Variants in ZNF239 observed in about 807,000 individuals in gnomAD.
The protein encoded by ZNF239 is zinc finger protein (C2H2) homologous to mouse MOK-2.
ZNF239 carries 16 observed loss-of-function variants against 27.5 expected under a neutral mutation model. The ratio of observed to expected loss-of-function variants is 0.58; its 90% CI spans 0.39 to 0.88. ZNF239 has a LOEUF of 0.88. ZNF239 is among the 40% of genes least tolerant of loss of function. ZNF239 has a pLI of 0.00. For missense variants in ZNF239, 527 were observed against 551.9 expected (o/e 0.95, Z 0.45); for synonymous variants, 199 against 192.6 (o/e 1.03, Z -0.27).
chr10:43,559,733 T>C (rs1837085310), intron 3 of ZNF239, among the ~76,000 whole-genome samples: 2 of 151,988 alleles, frequency 1.3e-5, no homozygotes, highest in South Asian at 2.1e-4. Context: ...AATAGCCTAA[T>C]ATTACACTGA....
chr10:43,573,501 G>T, intron 2 of ZNF239, 136 bp downstream of exon 2: 1 of 454,480 alleles, frequency 2.2e-6, no homozygotes, highest in Non-Finnish European at 2.9e-6. Context: ...CTAGCTACAT[G>T]TCCTTAGTAT....
intron 3 of ZNF239, among the ~76,000 whole-genome samples, chr10:43,565,883 A>T (rs1166720220): frequency 6.6e-6 from 1 of 151,684 alleles, no homozygotes; most frequent in African/African-American, 2.4e-5. Flanking sequence ...CAAAGGACTA[A>T]GAGAGAAGCT....
chr10:43,561,560 C>A (rs1186184225), intron 3 of ZNF239, among the ~76,000 whole-genome samples: 1 of 152,214 alleles, frequency 6.6e-6, no homozygotes, highest in Admixed American at 6.5e-5. Flanking sequence ...AAAAAATAGA[C>A]ACTCTTTCAG....
intron 3 of ZNF239, among the ~76,000 whole-genome samples, chr10:43,566,851 T>G (rs531470819): frequency 6.6e-6 from 1 of 152,378 alleles, no homozygotes; most frequent in East Asian, 1.9e-4. Flanking sequence ...TTAAAATTAC[T>G]AATTATTGCC....
rs534231661 is a variant in ZNF239 at position 43,556,396 on chromosome 10, C to T, written c.*307G>A. On this transcript the variant is annotated 3_prime_UTR_variant, in exon 4 of 4. Transcript: ENST00000374446. ...CTCAGAGAATGTGAACAAAGGGAAACATGCCCTGCTTGAGAATAAATATAA... is the reference window on the plus strand; with the variant it reads ...CTCAGAGAATGTGAACAAAGGGAAATATGCCCTGCTTGAGAATAAATATAA... 5.1e-4 allele frequency: 144 copies of T among 283,398 alleles called. No homozygotes were observed. Among genetic ancestry groups the T allele is most frequent in the Middle Eastern group, 1.2e-3 (1 of 834 alleles). 17.6% of individuals were successfully genotyped at this position (283,398 alleles called of 1,614,324 possible).
chr10:43,559,832 A>G (rs1837091885), intron 3 of ZNF239, among the ~76,000 whole-genome samples: 1 of 152,224 alleles, frequency 6.6e-6, no homozygotes, highest in Admixed American at 6.5e-5. Context: ...AATGATAAGG[A>G]GCAGATGGAT....
chr10:43,560,137 T>C (rs147873641), intron 3 of ZNF239, among the ~76,000 whole-genome samples: 34 of 152,286 alleles, frequency 2.2e-4, no homozygotes, highest in African/African-American at 8.2e-4. Flanking sequence ...CTCTTAGAAA[T>C]AGAAATATTG....
At position 43,566,296 on chromosome 10, in the gene ZNF239, GT is replaced by G. The variant is rs1158727048; in HGVS notation, c.-93+1602del. ...CTAACATGATGACACATTTTTCAGT[GT>G]TTTTTTTTTTTGACAGGGTCTCACG... On this transcript the variant is annotated intron_variant, in intron 3 of 3. Transcript: ENST00000374446. Among the ~76,000 whole-genome samples, 678 of 145,708 alleles carry G rather than the reference GT, an allele frequency of 4.7e-3. 1 individual carries two copies. Among genetic ancestry groups the G allele is most frequent in the Admixed American group, 7.3e-3 (107 of 14,572 alleles).
At position 43,558,110 on chromosome 10, in the gene ZNF239, A is replaced by G. The variant is rs1304439000; in HGVS notation, c.-31T>C. ...CCAAAACTAGCCAGGAGGAAAGCTC[A>G]TGTAACAGATCCTGAAGTGTTTTCT... On this transcript the variant is annotated 5_prime_UTR_variant, in exon 4 of 4. An upstream start codon of the reference 5' UTR is lost. Coordinates refer to ENST00000374446, the MANE Select transcript of ZNF239 (RefSeq NM_001099282.2). The G allele has an allele frequency of 6.3e-7, 1 of 1,589,262 alleles. No homozygotes were observed. The highest frequency in any genetic ancestry group is 1.8e-5 in the Admixed American group (1 of 56,754).
intron 2 of ZNF239, among the ~76,000 whole-genome samples, chr10:43,573,425 AAT>A (rs1417226035): frequency 3.3e-5 from 5 of 152,200 alleles, no homozygotes; most frequent in Non-Finnish European, 7.3e-5. Context: ...TGAGGAGTGG[AAT>A]AAATTCTTGG....
rs1836878569 is a variant in ZNF239, at chr10:43,557,632, T to C, written c.448A>G (p.Ile150Val). Residue 150 changes from isoleucine to valine, a missense_variant, in exon 4 of 4, where the codon ATT becomes GTT. By Grantham distance (29) the Ile-to-Val change is conservative. Coordinates refer to ENST00000374446, the MANE Select transcript of ZNF239 (RefSeq NM_001099282.2). The part of the protein sequence containing the change: ...NGQLKESLDP[I>V]DCNCKDIHGW... ...TGAATGTCTTTGCAGTTACAGTCAA[T>C]GGGATCCAAAGATTCTTTTAACTGG... 4.3e-6 allele frequency: 7 copies of C among 1,614,216 alleles called. No individual in the cohort carries two copies. The highest frequency in any genetic ancestry group is 1.1e-5 in the South Asian group (1 of 91,092).
At chr10:43,558,492 A>G (rs1836976557) in intron 3 of ZNF239, among the ~76,000 whole-genome samples, 1 of 151,894 alleles carries the variant, frequency 6.6e-6, no homozygotes, top group Non-Finnish European at 1.5e-5. Flanking sequence ...TCTGCTGCCC[A>G]GGCTGGAGTG....
chr10:43,560,982 T>C (rs551551102), intron 3 of ZNF239, among the ~76,000 whole-genome samples: 4 of 152,280 alleles, frequency 2.6e-5, no homozygotes, highest in South Asian at 4.1e-4. Flanking sequence ...AAGATGATGA[T>C]AGGTTATGTC....
At chr10:43,567,292 G>T (rs1353371765) in intron 3 of ZNF239, among the ~76,000 whole-genome samples, 2 of 152,050 alleles carry the variant, frequency 1.3e-5, no homozygotes, top group Non-Finnish European at 2.9e-5. Context: ...TTGCCAGGCA[G>T]GGGGAGGACA....
chr10:43,567,799 G>A (rs1380616925), intron 3 of ZNF239, 100 bp downstream of exon 3: 1 of 643,940 alleles, frequency 1.6e-6, no homozygotes, highest in African/African-American at 2.0e-5. Context: ...AAGTTCTTTA[G>A]CTGCTTAGAA....
intron 3 of ZNF239, among the ~76,000 whole-genome samples, chr10:43,562,700 T>C (rs1837344072): frequency 6.6e-6 from 1 of 152,234 alleles, no homozygotes; most frequent in Non-Finnish European, 1.5e-5. Context: ...GGAATGTTTT[T>C]ACTATGAGCT....
chr10:43,565,614 G>T (rs1837578001), intron 3 of ZNF239, among the ~76,000 whole-genome samples: 2 of 151,896 alleles, frequency 1.3e-5, no homozygotes, highest in African/African-American at 4.8e-5. Flanking sequence ...AGGAGATCAA[G>T]ACCAGCCTGG....
In ZNF239 at chr10:43,563,518, TAC is replaced by T. The variant is rs1399693198; in HGVS notation, c.-93+4379_-93+4380del. Among the ~76,000 whole-genome samples the T allele has an allele frequency of 5.9e-5, 9 of 152,314 alleles. No homozygotes were observed. In the East Asian group the frequency reaches 1.5e-3, roughly 26 times the overall value. ...TATACTTGTAATGTACATACATAAGTACAGAGTCCATAGAAAGTGATTTGATT... is the reference window on the plus strand; with the variant it reads ...TATACTTGTAATGTACATACATAAGTAGAGTCCATAGAAAGTGATTTGATT... On this transcript the variant is annotated intron_variant, in intron 3 of 3. Transcript: ENST00000374446.
intron 3 of ZNF239, among the ~76,000 whole-genome samples, chr10:43,561,538 T>G (rs921939075): frequency 2.0e-5 from 3 of 152,036 alleles, no homozygotes; most frequent in African/African-American, 7.3e-5. Flanking sequence ...AATTAACCAT[T>G]TCAGTGGGAG....
Sources: allele counts gnomAD v4.1 joint callset (sites outside exome capture counted in the v4.1 genomes callset), GRCh38; gene constraint gnomAD v4.1.1; transcripts MANE v1.5; gene names NCBI Gene and HGNC (gene_info 2026-07-23, HGNC 2026-07-21).